Variants in APPBP2 observed in about 807,000 individuals in gnomAD.
APPBP2 encodes amyloid protein-binding protein 2.
APPBP2 carries 15 observed loss-of-function variants against 76.0 expected under a neutral mutation model. The ratio of observed to expected loss-of-function variants is 0.20; its 90% CI spans 0.13 to 0.30. The LOEUF (loss-of-function observed/expected upper bound fraction) is 0.30. APPBP2 is among the 10% of genes least tolerant of loss of function. The pLI, the probability that APPBP2 is intolerant of heterozygous loss-of-function variation, is 1.00. For synonymous variants in APPBP2, 222 were observed against 242.2 expected, an observed-to-expected ratio of 0.92 and a Z score of 0.77; for missense variants, 401 against 687.2, an observed-to-expected ratio of 0.58 and a Z score of 4.66.
At position 60,479,100 on chromosome 17, in the gene APPBP2, C is replaced by T. The variant is rs1340290532; in HGVS notation, c.503+48G>A. 4 of 1,566,938 alleles carry T rather than the reference C, an allele frequency of 2.6e-6. No homozygotes were observed. The East Asian group carries it at 9.1e-5, about 36-fold the overall frequency. On this transcript the variant is annotated intron_variant, in intron 4 of 12. Coordinates refer to ENST00000083182, the MANE Select transcript of APPBP2 (RefSeq NM_006380.5). Reference sequence around the variant, plus strand: ...TTATAAGAGCTAAAACTATAAAAGCCACTAAATACTGTTATAGCACGTAAT... The same window carrying T: ...TTATAAGAGCTAAAACTATAAAAGCTACTAAATACTGTTATAGCACGTAAT...
At chr17:60,525,769 C>T in intron 1 of APPBP2, 25 bp downstream of exon 1, 1 of 1,612,604 alleles carries the variant, frequency 6.2e-7, no homozygotes, top group Non-Finnish European at 8.5e-7. Context: ...TGGAGGAGAG[C>T]AGAGAGGAGG....
intron 5 of APPBP2, 46 bp downstream of exon 5, chr17:60,466,245 T>C (rs1297506231): frequency 6.5e-7 from 1 of 1,545,168 alleles, no homozygotes; most frequent in East Asian, 2.3e-5. Flanking sequence ...CCTCTGTTTT[T>C]ATAGGTACTT....
chr17:60,454,478 C>A lies in APPBP2; in HGVS notation c.1162G>T (p.Glu388Ter). ...SKRVKALILE[E>*]IAIDCHNKET... The stretch of plus-strand genomic sequence containing the variant: ...TTATTATGACAATCAATTGCAATCT[C>A]CTCTAAAATAAGTGCTAAAAAAGAA... Residue 388 changes from glutamate (E) to a stop codon, truncating the protein, a stop_gained, in exon 11 of 13, where the codon GAG becomes TAG. Coordinates refer to ENST00000083182, the MANE Select transcript of APPBP2 (RefSeq NM_006380.5). LOFTEE classifies it high-confidence loss of function. 1 of 1,593,996 alleles carries A rather than the reference C, an allele frequency of 6.3e-7. No homozygotes were observed. The highest frequency in any genetic ancestry group is 8.5e-7 in the Non-Finnish European group (1 of 1,172,546).
intron 1 of APPBP2, among the ~76,000 whole-genome samples, chr17:60,511,092 C>G (rs2090908682): frequency 6.6e-6 from 1 of 152,240 alleles, no homozygotes; most frequent in South Asian, 2.1e-4. Context: ...TACCACAGCA[C>G]AAATGGAAGT....
chr17:60,493,239 T>C (rs377143470), intron 3 of APPBP2, among the ~76,000 whole-genome samples: 1 of 152,268 alleles, frequency 6.6e-6, no homozygotes, highest in African/African-American at 2.4e-5. Flanking sequence ...ATGTCTTTAA[T>C]GGCAGCATGA....
chr17:60,478,588 A>G (rs999151825), intron 4 of APPBP2, among the ~76,000 whole-genome samples: 1 of 152,352 alleles, frequency 6.6e-6, no homozygotes, highest in Non-Finnish European at 1.5e-5. Flanking sequence ...TTGAATGAAT[A>G]AACAAACAAG....
intron 1 of APPBP2, among the ~76,000 whole-genome samples, chr17:60,506,361 C>G (rs1200006034): frequency 1.3e-5 from 2 of 152,180 alleles, no homozygotes; most frequent in African/African-American, 4.8e-5. Flanking sequence ...ACACTCCTGC[C>G]ACCTTAGCTT....
intron 12 of APPBP2, among the ~76,000 whole-genome samples, chr17:60,451,523 G>A (rs2090394917): frequency 6.6e-6 from 1 of 151,852 alleles, no homozygotes; most frequent in Non-Finnish European, 1.5e-5. Context: ...GCCCAGGCTG[G>A]AGAGCAGTGG....
chr17:60,478,204 CTTTAT>C (rs999997641), intron 4 of APPBP2, among the ~76,000 whole-genome samples: 9 of 152,016 alleles, frequency 5.9e-5, no homozygotes, highest in East Asian at 3.9e-4. Context: ...AATTTTTTGA[CTTTAT>C]TTTAATTTTC....
At chr17:60,499,411 C>T (rs980800519) in intron 2 of APPBP2, among the ~76,000 whole-genome samples, 1 of 148,630 alleles carries the variant, frequency 6.7e-6, no homozygotes. Context: ...AGTGGCATAG[C>T]GCCTTTAGTC....
intron 11 of APPBP2, among the ~76,000 whole-genome samples, chr17:60,452,864 G>A (rs1036273255): frequency 2.6e-5 from 4 of 152,154 alleles, no homozygotes; most frequent in African/African-American, 9.7e-5. Flanking sequence ...GCCCAGGGAG[G>A]TTGAGGCTGT....
chr17:60,454,159 G>T, intron 11 of APPBP2, 143 bp downstream of exon 11: 1 of 543,894 alleles, frequency 1.8e-6, no homozygotes, highest in Non-Finnish European at 2.9e-6. Flanking sequence ...CACTGTGCTT[G>T]GCCTATGTTG....
intron 1 of APPBP2, among the ~76,000 whole-genome samples, chr17:60,518,657 C>T (rs1316537402): frequency 1.3e-5 from 2 of 152,066 alleles, no homozygotes. Flanking sequence ...GCATGTGCCA[C>T]CATGTCTGGC....
rs1413159902 is a variant in APPBP2, at chr17:60,445,242, T to C, written c.*2339A>G. The C allele has an allele frequency of 2.6e-5, 4 of 152,586 alleles. No individual in the cohort carries two copies. Among genetic ancestry groups the C allele is most frequent in the Non-Finnish European group, 5.9e-5 (4 of 68,022 alleles). 9.5% of individuals were successfully genotyped at this position (152,586 alleles called of 1,614,324 possible). A position where few individuals can be genotyped will look rare whatever the true frequency, so the allele number is the denominator to read the frequency against. On this transcript the variant is annotated 3_prime_UTR_variant, in exon 13 of 13. Transcript: ENST00000083182. ...AGTGGTGATAAGGAGAAACTGCCAA[T>C]AATGATGTTTCAAAAAAACACAACT...
At position 60,448,914 on chromosome 17, in the gene APPBP2, A is replaced by T. The variant is rs907841760; in HGVS notation, c.1505-1080T>A. 3.9e-5 allele frequency among the ~76,000 whole-genome samples: 6 copies of T among 152,228 alleles called. 1 individual carries two copies. The highest frequency in any genetic ancestry group is 1.3e-4 in the Admixed American group (2 of 15,282). The stretch of plus-strand genomic sequence containing the variant: ...CTTTCTGTATAGTTCTAATTACAGT[A>T]CGTTAATATTTCGCATACTCAAAAA... On this transcript the variant is annotated intron_variant, in intron 12 of 12. Coordinates refer to ENST00000083182, the MANE Select transcript of APPBP2 (RefSeq NM_006380.5).
intron 1 of APPBP2, among the ~76,000 whole-genome samples, chr17:60,520,718 G>C (rs2091003308): frequency 6.6e-6 from 1 of 151,854 alleles, no homozygotes; most frequent in African/African-American, 2.4e-5. Context: ...AAAATAAAAA[G>C]ATCATAAACT....
intron 1 of APPBP2, among the ~76,000 whole-genome samples, chr17:60,511,562 C>T (rs985974645): frequency 8.6e-4 from 125 of 145,644 alleles, no homozygotes; most frequent in African/African-American, 2.7e-3. Context: ...TCCAGCCTGG[C>T]GACAGAGCAA....
At chr17:60,502,108 T>C (rs1209476262) in intron 1 of APPBP2, among the ~76,000 whole-genome samples, 4 of 152,348 alleles carry the variant, frequency 2.6e-5, no homozygotes, top group South Asian at 4.1e-4. Context: ...GGCTGCAGTA[T>C]AGTGGCACAA....
chr17:60,451,849 A>G (rs1368948593), intron 12 of APPBP2, 31 bp downstream of exon 12: 2 of 1,568,228 alleles, frequency 1.3e-6, no homozygotes, highest in Middle Eastern at 1.8e-4. Context: ...TTTGTAATCA[A>G]CTGACTAAAG....
Sources: allele counts gnomAD v4.1 joint callset (sites outside exome capture counted in the v4.1 genomes callset), GRCh38; gene constraint gnomAD v4.1.1; transcripts MANE v1.5; gene names NCBI Gene and HGNC (gene_info 2026-07-23, HGNC 2026-07-21).